The following LHFPL6 variants were observed in gnomAD, a reference collection of about 807,000 sequenced individuals.
The protein encoded by LHFPL6 is LHFPL tetraspan subfamily member 6.
In LHFPL6, 9 loss-of-function variants were observed where a neutral mutation model predicts 20.6. The observed-to-expected ratio is 0.44, with a 90% CI of 0.26 to 0.76. The LOEUF (loss-of-function observed/expected upper bound fraction) is 0.76, where lower values mean the gene tolerates loss of function less well. Among genes scored for constraint, LHFPL6 ranks in the 30% least tolerant of loss-of-function variants. The probability of loss-of-function intolerance (pLI) is 0.20; values close to 1 mark genes in which losing one functional copy is unlikely to be tolerated. For missense variants in LHFPL6, 218 were observed against 253.5 expected, an observed-to-expected ratio of 0.86 and a Z score of 0.95; for synonymous variants, 105 against 98.7, an observed-to-expected ratio of 1.06 and a Z score of -0.38.
intron 2 of LHFPL6, among the ~76,000 whole-genome samples, chr13:39,583,771 G>A (rs1872361597): frequency 6.6e-6 from 1 of 152,102 alleles, no homozygotes; most frequent in Non-Finnish European, 1.5e-5. Context: ...CTCTTCATTG[G>A]CTTTTAATCT....
chr13:39,358,227 C>A (rs568838176), intron 3 of LHFPL6, among the ~76,000 whole-genome samples: 11 of 152,092 alleles, frequency 7.2e-5, no homozygotes, highest in South Asian at 4.2e-4. Flanking sequence ...AATAGAGAAC[C>A]TAGAAATAAA....
At chr13:39,597,772 A>G (rs1038161934) in intron 2 of LHFPL6, among the ~76,000 whole-genome samples, 4 of 152,226 alleles carry the variant, frequency 2.6e-5, no homozygotes, top group Non-Finnish European at 5.9e-5. Context: ...CATGTATGGC[A>G]GCCCCATTTT....
chr13:39,564,626 C>T (rs1321446305), intron 2 of LHFPL6, among the ~76,000 whole-genome samples: 2 of 152,178 alleles, frequency 1.3e-5, no homozygotes, highest in East Asian at 1.9e-4. Flanking sequence ...GCTATTATAC[C>T]ATTTTGGTTG....
At chr13:39,409,400 G>A (rs1235912897) in intron 2 of LHFPL6, among the ~76,000 whole-genome samples, 28 of 152,142 alleles carry the variant, frequency 1.8e-4, no homozygotes, top group Admixed American at 6.6e-5. Context: ...GTTGCAGTGA[G>A]CTGGGATTGC....
At chr13:39,479,129 C>CTATA (rs149507879) in intron 2 of LHFPL6, among the ~76,000 whole-genome samples, 50,693 of 150,146 alleles carry the variant, frequency 0.34, 10,025 homozygotes, top group Non-Finnish European at 0.43. Flanking sequence ...ATCTATCTAT[C>CTATA]TATCTATCTA....
At chr13:39,392,593 TCAAAACAAAA>T (rs3032906) in intron 2 of LHFPL6, among the ~76,000 whole-genome samples, 18 of 150,998 alleles carry the variant, frequency 1.2e-4, no homozygotes, top group Non-Finnish European at 1.6e-4. Context: ...AAACTCCGTC[TCAAAACAAAA>T]CAAAACAAAA....
chr13:39,512,434 C>G (rs1042848448), intron 2 of LHFPL6, among the ~76,000 whole-genome samples: 1 of 151,970 alleles, frequency 6.6e-6, no homozygotes, highest in African/African-American at 2.4e-5. Context: ...AACCCCGTCT[C>G]TACTAAAAAT....
chr13:39,524,200 GT>G (rs1381184263), intron 2 of LHFPL6, among the ~76,000 whole-genome samples: 1 of 152,154 alleles, frequency 6.6e-6, no homozygotes, highest in African/African-American at 2.4e-5. Context: ...TATCAATTTA[GT>G]ATGTATTTTG....
At chr13:39,368,538 C>T (rs761929508) in intron 3 of LHFPL6, among the ~76,000 whole-genome samples, 4 of 152,212 alleles carry the variant, frequency 2.6e-5, no homozygotes, top group Non-Finnish European at 4.4e-5. Context: ...GCCAAGATCA[C>T]GCCACTGCAC....
chr13:39,347,925 T>C (rs1261902705), intron 3 of LHFPL6, among the ~76,000 whole-genome samples: 1 of 152,192 alleles, frequency 6.6e-6, no homozygotes, highest in Non-Finnish European at 1.5e-5. Context: ...TTCTATGACC[T>C]AACATGAAAA....
chr13:39,538,327 T>C (rs958420573), intron 2 of LHFPL6, among the ~76,000 whole-genome samples: 1 of 151,146 alleles, frequency 6.6e-6, no homozygotes, highest in Non-Finnish European at 1.5e-5. Context: ...TTGACTAAGC[T>C]AATGGTCAAA....
At chr13:39,384,174 T>C (rs1870507651) in intron 2 of LHFPL6, among the ~76,000 whole-genome samples, 1 of 152,192 alleles carries the variant, frequency 6.6e-6, no homozygotes, top group Non-Finnish European at 1.5e-5. Context: ...ACATCATCCA[T>C]TTCCTTAAGT....
chr13:39,574,072 G>A (rs1175596748), intron 2 of LHFPL6, among the ~76,000 whole-genome samples: 1 of 152,150 alleles, frequency 6.6e-6, no homozygotes, highest in African/African-American at 2.4e-5. Flanking sequence ...TGACGCACCT[G>A]ATCCATATTT....
chr13:39,439,141 C>T (rs143856167), intron 2 of LHFPL6, among the ~76,000 whole-genome samples: 152 of 152,286 alleles, frequency 1.0e-3, no homozygotes, highest in African/African-American at 3.0e-3. Flanking sequence ...CCCTGCAAAG[C>T]CTCAGGGGTG....
At chr13:39,455,497 A>G (rs572240755) in intron 2 of LHFPL6, among the ~76,000 whole-genome samples, 1 of 152,338 alleles carries the variant, frequency 6.6e-6, no homozygotes, top group South Asian at 2.1e-4. Context: ...CCCATCTTCC[A>G]TTTTGTCAAA....
chr13:39,559,146 G>A (rs902168008), intron 2 of LHFPL6, among the ~76,000 whole-genome samples: 1 of 152,188 alleles, frequency 6.6e-6, no homozygotes, highest in African/African-American at 2.4e-5. Context: ...ACCGCCAAGA[G>A]TCAGGGAAGA....
At chr13:39,459,194 ATGTGTGTGTGTGTGTGTG>A (rs58955444) in intron 2 of LHFPL6, among the ~76,000 whole-genome samples, 115 of 136,064 alleles carry the variant, frequency 8.5e-4, no homozygotes, top group Middle Eastern at 3.8e-3. Context: ...AAGTTCCTTA[ATGTGTGTGTGTGTGTGTG>A]TGTGTGTGTG....
intron 2 of LHFPL6, among the ~76,000 whole-genome samples, chr13:39,460,390 T>C (rs1301102093): frequency 6.6e-6 from 1 of 152,136 alleles, no homozygotes; most frequent in African/African-American, 2.4e-5. Flanking sequence ...AATGGTTAAT[T>C]ATGGTGGAAA....
At chr13:39,378,381 A>G in intron 3 of LHFPL6, 47 bp downstream of exon 3, 1 of 1,491,336 alleles carries the variant, frequency 6.7e-7, no homozygotes, top group Non-Finnish European at 9.3e-7. Context: ...GAAACATCAG[A>G]TAAGGTTCTT....
Sources: gnomAD v4.1 joint callset for allele counts (sites outside exome capture counted in the v4.1 genomes callset) on GRCh38, gnomAD v4.1.1 for gene constraint, MANE v1.5 for transcripts, NCBI Gene and HGNC (gene_info 2026-07-23, HGNC 2026-07-21) for gene names.